SH2D4B: variants seen among roughly 807,000 people sequenced by gnomAD.
The protein encoded by SH2D4B is SH2 domain containing 4B, also known as SH2 domain-containing protein 4B.
In SH2D4B, 45 loss-of-function variants were observed where a neutral mutation model predicts 61.5. The ratio of observed to expected loss-of-function variants is 0.73; its 90% CI spans 0.58 to 0.94. The LOEUF (loss-of-function observed/expected upper bound fraction) is 0.94. SH2D4B is among the 40% of genes least tolerant of loss of function. The pLI is 0.00. For missense variants in SH2D4B, 572 were observed against 574.2 expected (o/e 1.00, Z 0.04); for synonymous variants, 224 against 220.4 (o/e 1.02, Z -0.14).
intron 1 of SH2D4B, among the ~76,000 whole-genome samples, chr10:80,556,293 G>A (rs1229891935): frequency 6.6e-6 from 1 of 152,174 alleles, no homozygotes; most frequent in Admixed American, 6.5e-5. Flanking sequence ...GATTGTGTAT[G>A]TCTACTCTTG....
At chr10:80,595,898 G>A (rs1308322488) in intron 4 of SH2D4B, among the ~76,000 whole-genome samples, 1 of 152,236 alleles carries the variant, frequency 6.6e-6, no homozygotes, top group Non-Finnish European at 1.5e-5. Context: ...TGGAATGCAT[G>A]TGTATGCAGT....
intron 1 of SH2D4B, among the ~76,000 whole-genome samples, chr10:80,562,865 C>T (rs139741040): frequency 7.0e-6 from 1 of 143,858 alleles, no homozygotes; most frequent in African/African-American, 2.6e-5. Context: ...TTGCATTTCT[C>T]TGATGACCTA....
Position 80,644,341 on chromosome 10 carries a change from T to C in SH2D4B, c.*256T>C. ...AGCTATGACCTTAGAAGACAAAGCC[T>C]GTTTGTCATGGCTGCCGTAAACCGA... is the stretch of plus-strand genomic sequence containing the variant. On this transcript the variant is annotated 3_prime_UTR_variant, in exon 8 of 8. Transcript: ENST00000646907. 2 of 404,018 alleles carry C rather than the reference T, an allele frequency of 5.0e-6. No individual in the cohort carries two copies. Among genetic ancestry groups the C allele is most frequent in the Admixed American group, 8.3e-5 (2 of 24,096 alleles). 25.0% of individuals were successfully genotyped at this position (404,018 alleles called of 1,614,324 possible).
intron 4 of SH2D4B, among the ~76,000 whole-genome samples, chr10:80,598,763 C>A (rs1842413004): frequency 1.3e-5 from 2 of 151,824 alleles, no homozygotes; most frequent in South Asian, 4.2e-4. Flanking sequence ...ATACATCAGG[C>A]ACAGAAATTC....
At chr10:80,594,818 T>A (rs919725359) in intron 4 of SH2D4B, among the ~76,000 whole-genome samples, 1 of 152,206 alleles carries the variant, frequency 6.6e-6, no homozygotes, top group Admixed American at 6.5e-5. Context: ...ATTCACCTTT[T>A]CCACTGATAC....
chr10:80,597,784 A>G (rs1361776220), intron 4 of SH2D4B, among the ~76,000 whole-genome samples: 1 of 152,170 alleles, frequency 6.6e-6, no homozygotes, highest in Non-Finnish European at 1.5e-5. Context: ...TTCAGGGAAA[A>G]TGGGTGGGCG....
chr10:80,547,890 C>T (rs1564765148), intron 1 of SH2D4B, among the ~76,000 whole-genome samples: 2 of 152,122 alleles, frequency 1.3e-5, no homozygotes, highest in Non-Finnish European at 2.9e-5. Context: ...CCAGTTAAGG[C>T]AGCTGGTGAT....
intron 7 of SH2D4B, among the ~76,000 whole-genome samples, chr10:80,638,845 C>T (rs1840237717): frequency 6.6e-6 from 1 of 152,114 alleles, no homozygotes. Flanking sequence ...AATTTGTTTG[C>T]TCTTGCTTCT....
chr10:80,592,243 G>A (rs764120188), intron 4 of SH2D4B, among the ~76,000 whole-genome samples: 1 of 152,044 alleles, frequency 6.6e-6, no homozygotes, highest in African/African-American at 2.4e-5. Flanking sequence ...TTTTGTTGTT[G>A]AGTTGCCAGA....
chr10:80,588,575 G>T, intron 3 of SH2D4B, 55 bp from the exon 4 acceptor site: 1 of 1,594,828 alleles, frequency 6.3e-7, no homozygotes, highest in Non-Finnish European at 8.6e-7. Flanking sequence ...TTTCTTTCTC[G>T]TTTCTCTGAA....
rs139682678 is a variant in SH2D4B at position 80,571,865 on chromosome 10, C to T, written c.495+287C>T. ...TCGGCTCACTGCAAGCTCTGCCTCC[C>T]GGGTTCACGCCATTCTCCTACCTCA... On this transcript the variant is annotated intron_variant, in intron 3 of 7. Transcript: ENST00000646907. Among the ~76,000 whole-genome samples, 390 of 151,444 alleles carry T rather than the reference C, an allele frequency of 2.6e-3. 1 individual carries two copies. The highest frequency in any genetic ancestry group is 8.9e-3 in the African/African-American group (366 of 41,246).
chr10:80,568,066 C>G (rs982098300), intron 1 of SH2D4B, among the ~76,000 whole-genome samples: 3 of 151,838 alleles, frequency 2.0e-5, no homozygotes, highest in Non-Finnish European at 4.4e-5. Context: ...GAAGCTTTTT[C>G]TAAAAATAAG....
chr10:80,555,232 A>G (rs964011621), intron 1 of SH2D4B, among the ~76,000 whole-genome samples: 11 of 152,162 alleles, frequency 7.2e-5, no homozygotes, highest in Non-Finnish European at 8.8e-5. Context: ...AGGCTTTTCA[A>G]TAAGGACATC....
chr10:80,609,305 CTT>C, intron 5 of SH2D4B, 117 bp from the exon 6 acceptor site: 2 of 1,045,554 alleles, frequency 1.9e-6, no homozygotes, highest in Admixed American at 2.6e-5. Flanking sequence ...TCCACCCCCC[CTT>C]CCTCCTCCTC....
At chr10:80,547,611 G>A (rs570317756) in intron 1 of SH2D4B, among the ~76,000 whole-genome samples, 1 of 152,248 alleles carries the variant, frequency 6.6e-6, no homozygotes, top group African/African-American at 2.4e-5. Context: ...CTCCTCCCTG[G>A]TGTCTCTTCG....
chr10:80,618,613 G>A (rs1425745072), intron 6 of SH2D4B, among the ~76,000 whole-genome samples: 1 of 152,166 alleles, frequency 6.6e-6, no homozygotes. Context: ...GGAAAGTATG[G>A]CGGTCAGAAA....
chr10:80,623,911 T>C (rs1842744894), intron 6 of SH2D4B, among the ~76,000 whole-genome samples: 1 of 152,178 alleles, frequency 6.6e-6, no homozygotes, highest in African/African-American at 2.4e-5. Context: ...AATTAATCAT[T>C]TAGTTCCTTG....
chr10:80,550,370 G>A (rs1056324319), intron 1 of SH2D4B, among the ~76,000 whole-genome samples: 5 of 152,086 alleles, frequency 3.3e-5, no homozygotes, highest in Admixed American at 2.0e-4. Flanking sequence ...GAGGTGGGCG[G>A]ATCACGAGGT....
chr10:80,595,282 A>T (rs931630421), intron 4 of SH2D4B, among the ~76,000 whole-genome samples: 1 of 152,172 alleles, frequency 6.6e-6, no homozygotes, highest in Non-Finnish European at 1.5e-5. Context: ...TCTCTCAACC[A>T]GGTCTTCTGT....
Sources: gnomAD v4.1 joint callset for allele counts (sites outside exome capture counted in the v4.1 genomes callset) on GRCh38, gnomAD v4.1.1 for gene constraint, MANE v1.5 for transcripts, NCBI Gene and HGNC (gene_info 2026-07-23, HGNC 2026-07-21) for gene names.